Variants in ATRNL1 observed in about 807,000 individuals in gnomAD.
ATRNL1 encodes attractin like 1, also known as attractin-like protein 1.
ATRNL1 carries 95 observed loss-of-function variants against 182.7 expected under a neutral mutation model. The observed-to-expected ratio is 0.52, with a 90% CI of 0.44 to 0.62. The LOEUF (loss-of-function observed/expected upper bound fraction) is 0.62, where lower values mean the gene tolerates loss of function less well. Ranked by LOEUF, ATRNL1 falls within the 20% of genes least tolerant of loss-of-function variation. ATRNL1 has a pLI of 0.00. For missense variants in ATRNL1, 1,471 were observed against 1,679.5 expected, an observed-to-expected ratio of 0.88 and a Z score of 2.17; for synonymous variants, 576 against 568.3, an observed-to-expected ratio of 1.01 and a Z score of -0.19.
At chr10:115,940,848 T>G (rs1162979154) in intron 28 of ATRNL1, among the ~76,000 whole-genome samples, 1 of 152,184 alleles carries the variant, frequency 6.6e-6, no homozygotes, top group Non-Finnish European at 1.5e-5. Flanking sequence ...AGGTTCACCT[T>G]ATATTTAACA....
At position 115,280,178 on chromosome 10, in the gene ATRNL1, G is replaced by A. The variant is rs554164423; in HGVS notation, c.2101-1177G>A. Among the ~76,000 whole-genome samples the A allele has an allele frequency of 2.0e-5, 3 of 152,268 alleles. No individual in the cohort carries two copies. The East Asian group carries it at 5.8e-4, about 29-fold the overall frequency. On this transcript the variant is annotated intron_variant, in intron 13 of 28. Coordinates refer to ENST00000355044, the MANE Select transcript of ATRNL1 (RefSeq NM_207303.4). ...CAGATTTAAACGAAGAACCTGATGT[G>A]TGAAGCTAAAAGCCTAACCCTGTAC...
In ATRNL1 at chr10:115,721,960, A is replaced by G. The variant is rs17093493; in HGVS notation, c.3796-5288A>G. On this transcript the variant is annotated intron_variant, in intron 26 of 28. Transcript: ENST00000355044. ...CCTACCTGGAAAATCTGCTGTGGCT[A>G]TTTGACAATATTTTGCTTTTGAATA... is the stretch of plus-strand genomic sequence containing the variant. 2.8e-4 allele frequency among the ~76,000 whole-genome samples: 43 copies of G among 152,318 alleles called. No homozygotes were observed. In the East Asian group the frequency reaches 6.9e-3, roughly 25 times the overall value.
At chr10:115,779,011 G>A (rs1949197781) in intron 27 of ATRNL1, among the ~76,000 whole-genome samples, 1 of 152,136 alleles carries the variant, frequency 6.6e-6, no homozygotes, top group Admixed American at 6.5e-5. Context: ...ATAATAAAAA[G>A]CCGACTAGTT....
At chr10:115,128,805 C>T (rs565062986) in intron 4 of ATRNL1, among the ~76,000 whole-genome samples, 6 of 136,570 alleles carry the variant, frequency 4.4e-5, no homozygotes, top group Non-Finnish European at 9.2e-5. Context: ...CCAGCCTGGG[C>T]GACAGAGCGA....
intron 9 of ATRNL1, among the ~76,000 whole-genome samples, chr10:115,225,266 T>A (rs1425402443): frequency 2.0e-5 from 3 of 151,754 alleles, no homozygotes; most frequent in African/African-American, 7.2e-5. Context: ...ATTTATCATG[T>A]ATTTATGATA....
At chr10:115,558,124 A>G (rs1853436732) in intron 26 of ATRNL1, among the ~76,000 whole-genome samples, 1 of 152,234 alleles carries the variant, frequency 6.6e-6, no homozygotes, top group South Asian at 2.1e-4. Flanking sequence ...CGGAAAACAA[A>G]GAAACACTTG....
chr10:115,457,423 G>A (rs527977875), intron 21 of ATRNL1, among the ~76,000 whole-genome samples: 19 of 152,076 alleles, frequency 1.2e-4, no homozygotes, highest in Non-Finnish European at 2.6e-4. Flanking sequence ...AGAACTGGCA[G>A]TTCAATTTTT....
chr10:115,434,917 A>G (rs886854484), intron 21 of ATRNL1, among the ~76,000 whole-genome samples: 23 of 152,070 alleles, frequency 1.5e-4, no homozygotes, highest in African/African-American at 5.6e-4. Context: ...GGAGTATAAG[A>G]TTAAGTTCCT....
At chr10:115,375,343 T>G (rs533927748) in intron 19 of ATRNL1, among the ~76,000 whole-genome samples, 1 of 152,100 alleles carries the variant, frequency 6.6e-6, no homozygotes, top group South Asian at 2.1e-4. Flanking sequence ...ATCCCTTCAC[T>G]TTCTATGTAT....
intron 25 of ATRNL1, among the ~76,000 whole-genome samples, chr10:115,534,156 CCTTGTTGACTTTCTGT>C (rs1554989411): frequency 6.6e-6 from 1 of 151,666 alleles, no homozygotes; most frequent in African/African-American, 2.4e-5. Flanking sequence ...TCCTGGGTAT[CCTTGTTGACTTTCTGT>C]CTCGTTGATC....
At chr10:115,316,031 C>T (rs1284501423) in intron 18 of ATRNL1, among the ~76,000 whole-genome samples, 6 of 152,066 alleles carry the variant, frequency 3.9e-5, no homozygotes, top group East Asian at 3.9e-4. Context: ...ATGTGCAGAA[C>T]GTGCAGGTTA....
intron 15 of ATRNL1, among the ~76,000 whole-genome samples, chr10:115,294,341 A>G (rs191240115): frequency 6.6e-6 from 1 of 152,276 alleles, no homozygotes; most frequent in East Asian, 1.9e-4. Context: ...AAGAAAGAGT[A>G]ATTATTTTTT....
intron 28 of ATRNL1, among the ~76,000 whole-genome samples, chr10:115,871,716 G>A (rs1242056076): frequency 6.6e-6 from 1 of 151,910 alleles, no homozygotes; most frequent in Non-Finnish European, 1.5e-5. Context: ...GGGCTTAATT[G>A]AATATTTGAA....
chr10:115,463,238 C>G (rs1163348864), intron 22 of ATRNL1, among the ~76,000 whole-genome samples: 1 of 145,990 alleles, frequency 6.8e-6, no homozygotes, highest in Non-Finnish European at 1.5e-5. Context: ...AGCATTCTGT[C>G]TCCCCCATCA....
At position 115,286,200 on chromosome 10, in the gene ATRNL1, T is replaced by C. The variant is rs1852604365; in HGVS notation, c.2234-16T>C. The C allele has an allele frequency of 7.4e-7, 1 of 1,357,874 alleles. No homozygotes were observed. The highest frequency in any genetic ancestry group is 1.0e-6 in the Non-Finnish European group (1 of 971,548). 84.1% of individuals were successfully genotyped at this position (1,357,874 alleles called of 1,614,324 possible). A position where few individuals can be genotyped will look rare whatever the true frequency, so the allele number is the denominator to read the frequency against. ...TTTGGTAATCTAACAATAAGACACA[T>C]TTTTTTTCTTACTAGCTCATCTTTG... On this transcript the variant is annotated splice_polypyrimidine_tract_variant and intron_variant, in intron 14 of 28. Transcript: ENST00000355044.
chr10:115,700,031 A>G (rs1245528301), intron 26 of ATRNL1, among the ~76,000 whole-genome samples: 1 of 152,144 alleles, frequency 6.6e-6, no homozygotes, highest in Non-Finnish European at 1.5e-5. Context: ...ATTCATTTTT[A>G]TGGCTATGTA....
intron 28 of ATRNL1, among the ~76,000 whole-genome samples, chr10:115,935,269 C>T (rs552761458): frequency 6.6e-6 from 1 of 152,272 alleles, no homozygotes; most frequent in African/African-American, 2.4e-5. Context: ...TCATCCACTC[C>T]TAACTGCATA....
At chr10:115,465,026 C>T (rs1012936209) in intron 22 of ATRNL1, among the ~76,000 whole-genome samples, 1 of 151,582 alleles carries the variant, frequency 6.6e-6, no homozygotes, top group Non-Finnish European at 1.5e-5. Flanking sequence ...TTTCATTTAA[C>T]GCTCACAAGA....
chr10:115,637,205 A>C (rs1858928777), intron 26 of ATRNL1, among the ~76,000 whole-genome samples: 1 of 152,188 alleles, frequency 6.6e-6, no homozygotes, highest in African/African-American at 2.4e-5. Flanking sequence ...GAAAAGGGTG[A>C]CAATTCCTCA....
Sources: gnomAD v4.1 joint callset for allele counts (sites outside exome capture counted in the v4.1 genomes callset) on GRCh38, gnomAD v4.1.1 for gene constraint, MANE v1.5 for transcripts, NCBI Gene and HGNC (gene_info 2026-07-23, HGNC 2026-07-21) for gene names.